The following PPP3R1 variants were observed in gnomAD, a reference collection of about 807,000 sequenced individuals.
PPP3R1 encodes protein phosphatase 3 regulatory subunit B, alpha, also known as calcineurin subunit B type 1.
In PPP3R1, 5 loss-of-function variants were observed where a neutral mutation model predicts 22.6. The observed-to-expected ratio is 0.22, with a 90% CI of 0.12 to 0.46. The LOEUF (loss-of-function observed/expected upper bound fraction) is 0.46, where lower values mean the gene tolerates loss of function less well. Among genes scored for constraint, PPP3R1 ranks in the 20% least tolerant of loss-of-function variants. The probability of loss-of-function intolerance (pLI) is 0.99; values close to 1 mark genes in which losing one functional copy is unlikely to be tolerated. For synonymous variants in PPP3R1, 56 were observed against 65.2 expected, an observed-to-expected ratio of 0.86 and a Z score of 0.68; for missense variants, 61 against 203.2, an observed-to-expected ratio of 0.30 and a Z score of 4.25.
intron 2 of PPP3R1, among the ~76,000 whole-genome samples, chr2:68,195,793 C>T (rs191406827): frequency 6.6e-6 from 1 of 152,112 alleles, no homozygotes; most frequent in African/African-American, 2.4e-5. Flanking sequence ...AATTAAAATC[C>T]AATACTATCA....
intron 2 of PPP3R1, among the ~76,000 whole-genome samples, chr2:68,194,513 T>C (rs1250614505): frequency 6.6e-6 from 1 of 152,112 alleles, no homozygotes; most frequent in Non-Finnish European, 1.5e-5. Context: ...TATTCATTCA[T>C]CACACTTTCA....
intron 2 of PPP3R1, among the ~76,000 whole-genome samples, chr2:68,189,343 C>T (rs1674613530): frequency 1.3e-5 from 2 of 152,086 alleles, no homozygotes; most frequent in Non-Finnish European, 2.9e-5. Context: ...ACAAAATTCA[C>T]TTATCAACAC....
At chr2:68,183,991 G>T (rs1269671960) in intron 5 of PPP3R1, among the ~76,000 whole-genome samples, 3 of 152,170 alleles carry the variant, frequency 2.0e-5, no homozygotes, top group African/African-American at 7.2e-5. Flanking sequence ...AGGGAGTCAG[G>T]AAGTCAGGTA....
At chr2:68,226,226 T>C (rs1572970297) in intron 1 of PPP3R1, among the ~76,000 whole-genome samples, 1 of 152,318 alleles carries the variant, frequency 6.6e-6, no homozygotes, top group East Asian at 1.9e-4. Context: ...GTGATAGACC[T>C]ATTCTACATC....
intron 2 of PPP3R1, among the ~76,000 whole-genome samples, chr2:68,214,002 T>C (rs1425243229): frequency 2.0e-5 from 3 of 152,030 alleles, no homozygotes; most frequent in Admixed American, 6.6e-5. Context: ...AGAAATAATG[T>C]TGCACACCTA....
intron 3 of PPP3R1, 62 bp from the exon 4 acceptor site, chr2:68,187,376 T>C: frequency 1.5e-6 from 2 of 1,344,884 alleles, no homozygotes; most frequent in Non-Finnish European, 2.1e-6. Context: ...AAAAAACATA[T>C]TTACCTTACA....
intron 1 of PPP3R1, among the ~76,000 whole-genome samples, chr2:68,226,801 G>A (rs1040038816): frequency 3.3e-5 from 5 of 152,086 alleles, no homozygotes; most frequent in Admixed American, 6.6e-5. Flanking sequence ...GCATCAATGC[G>A]TTAAAGTACA....
chr2:68,242,265 A>G (rs1670151295), intron 1 of PPP3R1, among the ~76,000 whole-genome samples: 1 of 152,080 alleles, frequency 6.6e-6, no homozygotes, highest in Non-Finnish European at 1.5e-5. Context: ...TGTCTCTACT[A>G]AAAATACAAA....
At chr2:68,234,630 C>G (rs543378662) in intron 1 of PPP3R1, among the ~76,000 whole-genome samples, 1 of 152,122 alleles carries the variant, frequency 6.6e-6, no homozygotes, top group African/African-American at 2.4e-5. Context: ...CGCAGAAACA[C>G]GACAGTGAGA....
intron 1 of PPP3R1, among the ~76,000 whole-genome samples, chr2:68,230,011 C>T (rs1031375157): frequency 1.3e-3 from 178 of 139,650 alleles, no homozygotes; most frequent in Non-Finnish European, 1.9e-3. Flanking sequence ...CACACACACA[C>T]ATATATATTT....
At chr2:68,205,242 C>CT (rs397984912) in intron 2 of PPP3R1, among the ~76,000 whole-genome samples, 7,461 of 123,514 alleles carry the variant, frequency 0.06, 782 homozygotes, top group African/African-American at 0.2. Flanking sequence ...TCAGTATTAT[C>CT]TTTTTTTTTT....
chr2:68,233,563 GCAAT>G (rs780771701), intron 1 of PPP3R1, among the ~76,000 whole-genome samples: 10 of 152,026 alleles, frequency 6.6e-5, no homozygotes, highest in South Asian at 2.1e-4. Context: ...TACACTGTAA[GCAAT>G]CAATTAATAA....
chr2:68,247,698 T>C (rs1444169464), intron 1 of PPP3R1, among the ~76,000 whole-genome samples: 5 of 152,190 alleles, frequency 3.3e-5, no homozygotes, highest in South Asian at 2.1e-4. Context: ...CAACAAATAT[T>C]TGCTGGGTGG....
chr2:68,235,482 C>G (rs1160265131), intron 1 of PPP3R1, among the ~76,000 whole-genome samples: 7 of 152,202 alleles, frequency 4.6e-5, no homozygotes, highest in African/African-American at 1.7e-4. Context: ...TCCTGTATGA[C>G]TGGCTACTTA....
At chr2:68,235,625 C>G (rs1670005890) in intron 1 of PPP3R1, among the ~76,000 whole-genome samples, 1 of 152,024 alleles carries the variant, frequency 6.6e-6, no homozygotes, top group Non-Finnish European at 1.5e-5. Context: ...TGGACTGTTT[C>G]CATTTTTGGC....
intron 1 of PPP3R1, among the ~76,000 whole-genome samples, chr2:68,228,629 T>C (rs970924739): frequency 1.3e-5 from 2 of 152,102 alleles, no homozygotes; most frequent in African/African-American, 4.8e-5. Flanking sequence ...TTTTTCTCTA[T>C]TGTTTCTGTT....
At chr2:68,190,503 T>C (rs1572952626) in intron 2 of PPP3R1, among the ~76,000 whole-genome samples, 1 of 151,836 alleles carries the variant, frequency 6.6e-6, no homozygotes, top group Non-Finnish European at 1.5e-5. Context: ...GAGGCGGAGG[T>C]TGCAGTGAGC....
chr2:68,202,348 A>C (rs1404033109), intron 2 of PPP3R1, among the ~76,000 whole-genome samples: 1 of 152,174 alleles, frequency 6.6e-6, no homozygotes, highest in Non-Finnish European at 1.5e-5. Flanking sequence ...CACAATACCA[A>C]AATTTGACAG....
intron 1 of PPP3R1, among the ~76,000 whole-genome samples, chr2:68,219,398 C>T (rs545399809): frequency 6.6e-6 from 1 of 152,142 alleles, no homozygotes; most frequent in African/African-American, 2.4e-5. Flanking sequence ...TTAGTAAAAA[C>T]AGGAGTTTTG....
Sources: allele counts gnomAD v4.1 joint callset (sites outside exome capture counted in the v4.1 genomes callset), GRCh38; gene constraint gnomAD v4.1.1; transcripts MANE v1.5; gene names NCBI Gene and HGNC (gene_info 2026-07-23, HGNC 2026-07-21).